NF1: variants seen among roughly 807,000 people sequenced by gnomAD.
NF1 encodes neurofibromin.
NF1 carries 122 observed loss-of-function variants against 325.7 expected under a neutral mutation model. The ratio of observed to expected loss-of-function variants is 0.37; its 90% CI spans 0.32 to 0.44. The LOEUF is 0.44. Among genes scored for constraint, NF1 ranks in the 20% least tolerant of loss-of-function variants. The pLI is 1.00. For synonymous variants in NF1, 1,091 were observed against 1,186.0 expected (o/e 0.92, Z 1.65); for missense variants, 2,140 against 3,415.4 (o/e 0.63, Z 9.31).
intron 5 of NF1, among the ~76,000 whole-genome samples, chr17:31,177,963 A>T (rs528263513): frequency 1.3e-5 from 2 of 152,280 alleles, no homozygotes; most frequent in East Asian, 1.9e-4. Flanking sequence ...TTAGCAGGAG[A>T]ACTTCCCCAA....
At position 31,233,089 on chromosome 17, in the gene NF1, C is replaced by T. The variant is rs2151435499; in HGVS notation, c.3584C>T (p.Thr1195Ile). Residue 1195 changes from threonine (T) to isoleucine (I), a missense_variant, in exon 27 of 58, where the codon ACA becomes ATA. Around this residue, in one of 10 missense-constraint regions of NF1, gnomAD observed 336 missense variants for 399.0 expected, o/e 0.84. Transcript: ENST00000358273. ...KILQQGTEFD[T>I]LAETVLADRF... Reference sequence around the variant, plus strand: ...CTTCAACAAGGCACAGAATTTGACACACTTGCAGAAACAGTATTGGCTGAT... The same window carrying T: ...CTTCAACAAGGCACAGAATTTGACATACTTGCAGAAACAGTATTGGCTGAT... 3 of 1,614,194 alleles carry T rather than the reference C, an allele frequency of 1.9e-6. No homozygotes were observed. Among genetic ancestry groups the T allele is most frequent in the Non-Finnish European group, 2.5e-6 (3 of 1,180,030 alleles).
chr17:31,175,026 T>C (rs1385856710), intron 5 of NF1, among the ~76,000 whole-genome samples: 1 of 146,920 alleles, frequency 6.8e-6, no homozygotes, highest in Non-Finnish European at 1.5e-5. Context: ...GGAGAATCGC[T>C]TGAACCTGGG....
chr17:31,165,174 C>T (rs1480559924), intron 4 of NF1, among the ~76,000 whole-genome samples: 1 of 152,138 alleles, frequency 6.6e-6, no homozygotes, highest in East Asian at 1.9e-4. Flanking sequence ...TTCTAGTCAC[C>T]AAAGGTTTTA....
At chr17:31,187,736 G>T (rs552578209) in intron 8 of NF1, among the ~76,000 whole-genome samples, 1 of 152,260 alleles carries the variant, frequency 6.6e-6, no homozygotes, top group Non-Finnish European at 1.5e-5. Flanking sequence ...TGATCCACTA[G>T]AAAATTTTTC....
intron 36 of NF1, among the ~76,000 whole-genome samples, chr17:31,309,717 G>C (rs1445421419): frequency 6.6e-6 from 1 of 152,112 alleles, no homozygotes; most frequent in Non-Finnish European, 1.5e-5. Context: ...GAAGGACAGG[G>C]CCCAAACAGG....
rs904174799 is a variant in NF1 at position 31,323,229 on chromosome 17, C to G, written c.4836-2591C>G. Among the ~76,000 whole-genome samples, 35 of 151,874 alleles carry G rather than the reference C, an allele frequency of 2.3e-4. 1 individual carries two copies. Among genetic ancestry groups the G allele is most frequent in the African/African-American group, 8.5e-4 (35 of 41,330 alleles). ...CCTGGGCAGCATGGCAAAATCCTGT[C>G]TCTACAAAAAATACAAAAAAACAAA... On this transcript the variant is annotated intron_variant, in intron 36 of 57. Coordinates refer to ENST00000358273, the MANE Select transcript of NF1 (RefSeq NM_001042492.3).
Position 31,375,822 on chromosome 17 carries a change from T to C in NF1, c.*1667T>C. ...TTAATGTAAATAAAATTGGTTTTGA[T>C]ACTCAGAAATAACAAGAATTTAATT... On this transcript the variant is annotated 3_prime_UTR_variant, in exon 58 of 58. Transcript: ENST00000358273. The C allele has an allele frequency of 4.3e-6, 1 of 232,532 alleles. No homozygotes were observed. The highest frequency in any genetic ancestry group is 6.1e-5 in the East Asian group (1 of 16,326). The allele number at this position is 232,532 out of a possible 1,614,324, so 14.4% of individuals were successfully genotyped here.
At chr17:31,331,882 A>G (rs2069498265) in intron 39 of NF1, 1 of 128,688 alleles carries the variant, frequency 7.8e-6, no homozygotes, top group Admixed American at 8.2e-5. Flanking sequence ...AGCCTGGATG[A>G]TAGAGTGAGA....
intron 47 of NF1, among the ~76,000 whole-genome samples, chr17:31,342,233 GT>G (rs1463473101): frequency 2.0e-5 from 3 of 152,052 alleles, no homozygotes; most frequent in African/African-American, 7.2e-5. Context: ...TCTCATTGCC[GT>G]TTTTCTAAAA....
At chr17:31,314,534 C>T (rs1163476739) in intron 36 of NF1, 1 of 152,198 alleles carries the variant, frequency 6.6e-6, no homozygotes, top group Non-Finnish European at 1.5e-5. Context: ...TGTATAAATG[C>T]CTCACCAACT....
intron 12 of NF1, among the ~76,000 whole-genome samples, chr17:31,209,262 C>G (rs1310793822): frequency 1.2e-4 from 18 of 152,194 alleles, no homozygotes; most frequent in Non-Finnish European, 4.4e-5. Context: ...TGTATTGCCT[C>G]AAATGATTTG....
At chr17:31,320,333 T>C (rs1416289135) in intron 36 of NF1, 3 of 1,462,316 alleles carry the variant, frequency 2.1e-6, no homozygotes, top group East Asian at 2.4e-5. Context: ...TACTTAGGAG[T>C]CCTTTTATTT....
intron 8 of NF1, among the ~76,000 whole-genome samples, chr17:31,184,649 AAAAAAAAAAAT>A (rs2066202544): frequency 6.8e-6 from 1 of 146,662 alleles, no homozygotes; most frequent in African/African-American, 2.5e-5. Flanking sequence ...CTCCGTCTCA[AAAAAAAAAAAT>A]AAAAAAAAAA....
chr17:31,330,861 A>C (rs1042446466), intron 39 of NF1: 5 of 196,968 alleles, frequency 2.5e-5, no homozygotes, highest in Admixed American at 5.4e-5. Context: ...TTAATTTTAG[A>C]GAACTAGTCA....
intron 54 of NF1, 56 bp downstream of exon 54, chr17:31,357,425 CT>C: frequency 7.3e-7 from 1 of 1,375,612 alleles, no homozygotes; most frequent in South Asian, 1.2e-5. Flanking sequence ...AAGTTAAATG[CT>C]TACCCAGTAA....
Position 31,185,817 on chromosome 17 carries a change from A to G in NF1, c.888+3152A>G, listed in dbSNP as rs561183364. Among the ~76,000 whole-genome samples the G allele has an allele frequency of 2.0e-3, 311 of 152,318 alleles. 2 individuals are homozygous for G. The highest frequency in any genetic ancestry group is 7.0e-3 in the African/African-American group (289 of 41,580). On this transcript the variant is annotated intron_variant, in intron 8 of 57. Transcript: ENST00000358273. The stretch of plus-strand genomic sequence containing the variant: ...TGGGCCATATGACCCAACAGATCCA[A>G]TGGTGCTTGAAGTGTCAGTGGCAGA...
At chr17:31,156,965 A>G (rs2065674258) in intron 2 of NF1, among the ~76,000 whole-genome samples, 1 of 152,072 alleles carries the variant, frequency 6.6e-6, no homozygotes, top group African/African-American at 2.4e-5. Flanking sequence ...TTTAGCATTT[A>G]TTTATTTATT....
chr17:31,371,783 G>T (rs1393980084), intron 57 of NF1, among the ~76,000 whole-genome samples: 1 of 152,222 alleles, frequency 6.6e-6, no homozygotes, highest in African/African-American at 2.4e-5. Context: ...GCACTCATAT[G>T]CCTGATGCAG....
intron 23 of NF1, 137 bp downstream of exon 23, chr17:31,230,519 A>G: frequency 9.2e-7 from 1 of 1,088,778 alleles, no homozygotes; most frequent in Non-Finnish European, 1.4e-6. Context: ...GTTTTTCTCT[A>G]CATCTCTTCT....
Sources: gnomAD v4.1 joint callset for allele counts (sites outside exome capture counted in the v4.1 genomes callset) on GRCh38, gnomAD v4.1.1 for gene constraint, gnomAD v4.1.1 regional missense constraint, MANE v1.5 for transcripts, NCBI Gene and HGNC (gene_info 2026-07-23, HGNC 2026-07-21) for gene names.